Variants in USH2A observed in about 807,000 individuals in gnomAD.
The protein encoded by USH2A is usherin.
A neutral mutation model predicts 538.9 loss-of-function variants in USH2A; 443 were observed. The ratio of observed to expected loss-of-function variants is 0.82; its 90% CI spans 0.76 to 0.89. The LOEUF is 0.89. Ranked by LOEUF, USH2A falls within the 40% of genes least tolerant of loss-of-function variation. The pLI, the probability that USH2A is intolerant of heterozygous loss-of-function variation, is 0.00. For synonymous variants in USH2A, 2,413 were observed against 2,273.5 expected, an observed-to-expected ratio of 1.06 and a Z score of -1.75; for missense variants, 6,633 against 6,324.8, an observed-to-expected ratio of 1.05 and a Z score of -1.65.
In USH2A at chr1:215,922,585, C is replaced by T. The variant is rs1430953876; in HGVS notation, c.7300+12031G>A. Reference sequence around the variant, plus strand: ...AAAGTATTTTAAAGATGGTCTAGCTCAGTGGTCTTCAAACTTGTGAAGGCA... The same window carrying T: ...AAAGTATTTTAAAGATGGTCTAGCTTAGTGGTCTTCAAACTTGTGAAGGCA... On this transcript the variant is annotated intron_variant, in intron 38 of 71. Transcript: ENST00000307340. Among the ~76,000 whole-genome samples, 5 of 152,020 alleles carry T rather than the reference C, an allele frequency of 3.3e-5. 1 individual carries two copies. The highest frequency in any genetic ancestry group is 1.2e-4 in the African/African-American group (5 of 41,424).
rs552327619 is a variant in USH2A, at chr1:215,900,895, G to A, written c.7311C>T (p.Gly2437=). The A allele has an allele frequency of 4.1e-5, 66 of 1,613,420 alleles. No homozygotes were observed. In the African/African-American group the frequency reaches 7.7e-4, roughly 19 times the overall value. The change falls in exon 39 of 72, where the codon GGC becomes GGT. Residue 2437 remains glycine (G), a synonymous_variant. Transcript: ENST00000307340. ...CAGATGAAAGCCTGGGAGGCAGCACGCCATCTGGAGCTGTCGAAAAACACA... is the reference window on the plus strand; with the variant it reads ...CAGATGAAAGCCTGGGAGGCAGCACACCATCTGGAGCTGTCGAAAAACACA... The part of the protein sequence containing the change: ...TIAMPPGAPD[G]VLPPRLSSAT...
At chr1:216,368,554 T>C (rs1287460413) in intron 3 of USH2A, among the ~76,000 whole-genome samples, 1 of 152,194 alleles carries the variant, frequency 6.6e-6, no homozygotes, top group African/African-American at 2.4e-5. Context: ...TCATAAAGCA[T>C]CAACTCGGTA....
At chr1:215,811,674 A>C (rs1662689459) in intron 49 of USH2A, among the ~76,000 whole-genome samples, 1 of 152,056 alleles carries the variant, frequency 6.6e-6, no homozygotes, top group African/African-American at 2.4e-5. Flanking sequence ...TTGGGAGGCC[A>C]AGGTGGGCAG....
At chr1:215,896,857 T>G (rs1054684539) in intron 40 of USH2A, among the ~76,000 whole-genome samples, 1 of 152,200 alleles carries the variant, frequency 6.6e-6, no homozygotes, top group Non-Finnish European at 1.5e-5. Context: ...AAATAATGTG[T>G]TGTTTGTATT....
chr1:216,407,544 G>C (rs890418909), intron 3 of USH2A, among the ~76,000 whole-genome samples: 1 of 152,054 alleles, frequency 6.6e-6, no homozygotes. Context: ...AGAAAGAAAT[G>C]CCAAGGGAAA....
In USH2A at chr1:215,805,165, A is replaced by C. The variant is rs369330655; in HGVS notation, c.9740-6040T>G. Among the ~76,000 whole-genome samples, 3 of 152,172 alleles carry C rather than the reference A, an allele frequency of 2.0e-5. No individual in the cohort carries two copies. The South Asian group carries it at 6.2e-4, about 31-fold the overall frequency. On this transcript the variant is annotated intron_variant, in intron 49 of 71. Coordinates refer to ENST00000307340, the MANE Select transcript of USH2A (RefSeq NM_206933.4). ...GGGGAGATGGGGGAGGGATAGGATT[A>C]GGAGATATACCTAATGTTAAATGAC... is the stretch of plus-strand genomic sequence containing the variant.
At chr1:215,909,206 AG>A (rs1453109702) in intron 38 of USH2A, among the ~76,000 whole-genome samples, 1 of 151,822 alleles carries the variant, frequency 6.6e-6, no homozygotes, top group Non-Finnish European at 1.5e-5. Context: ...TTTTATTAAG[AG>A]GGGTGAGATG....
chr1:215,728,953 A>G (rs2102714400), intron 60 of USH2A, among the ~76,000 whole-genome samples: 1 of 152,262 alleles, frequency 6.6e-6, no homozygotes, highest in East Asian at 1.9e-4. Flanking sequence ...AGAAGCTATT[A>G]TTGGGAATCC....
intron 51 of USH2A, among the ~76,000 whole-genome samples, chr1:215,788,915 C>CCAAAACAAAACAAAA (rs142498202): frequency 0.17 from 25,047 of 149,438 alleles, 2,329 homozygotes; most frequent in Middle Eastern, 0.24. Context: ...AACTTGGAAT[C>CCAAAACAAAACAAAA]CAAAACAAAA....
intron 32 of USH2A, among the ~76,000 whole-genome samples, chr1:216,030,054 A>C (rs1406515786): frequency 1.9e-5 from 1 of 53,196 alleles, no homozygotes; most frequent in African/African-American, 4.3e-5. Context: ...GGTATATATG[A>C]TATATCACAG....
At position 216,290,013 on chromosome 1, in the gene USH2A, C is replaced by T. The variant is rs189032253; in HGVS notation, c.1841-603G>A. Among the ~76,000 whole-genome samples, 89 of 152,108 alleles carry T rather than the reference C, an allele frequency of 5.9e-4. 1 individual carries two copies. Among genetic ancestry groups the T allele is most frequent in the African/African-American group, 2.1e-3 (86 of 41,510 alleles). Reference sequence around the variant, plus strand: ...CATACTAAATACTAGAATAGCCTGACATATTAGATATATCAGGTAATTCCC... The same window carrying T: ...CATACTAAATACTAGAATAGCCTGATATATTAGATATATCAGGTAATTCCC... On this transcript the variant is annotated intron_variant, in intron 10 of 71. Transcript: ENST00000307340.
intron 38 of USH2A, among the ~76,000 whole-genome samples, chr1:215,918,588 T>C (rs1666019545): frequency 6.6e-6 from 1 of 152,116 alleles, no homozygotes; most frequent in African/African-American, 2.4e-5. Flanking sequence ...TAGTATTTTG[T>C]TGTAGCCGCC....
At chr1:216,060,734 A>G (rs904538368) in intron 30 of USH2A, among the ~76,000 whole-genome samples, 2 of 152,236 alleles carry the variant, frequency 1.3e-5, no homozygotes, top group Non-Finnish European at 2.9e-5. Context: ...AATTATGCTG[A>G]TAATTAAGTT....
rs1197975763 is a variant in USH2A, at chr1:216,343,435, T to C, written c.785-15781A>G. On this transcript the variant is annotated intron_variant, in intron 4 of 71. Coordinates refer to ENST00000307340, the MANE Select transcript of USH2A (RefSeq NM_206933.4). The stretch of plus-strand genomic sequence containing the variant: ...TGCACCTGTACTCCCAGCTATGCAG[T>C]AGGCTATGACAGGAGGATTACTTGA... 3.4e-5 allele frequency among the ~76,000 whole-genome samples: 5 copies of C among 148,236 alleles called. No homozygotes were observed. The East Asian group carries it at 1.0e-3, about 30-fold the overall frequency.
At chr1:216,162,882 G>T (rs1473724636) in intron 21 of USH2A, among the ~76,000 whole-genome samples, 1 of 152,000 alleles carries the variant, frequency 6.6e-6, no homozygotes, top group Non-Finnish European at 1.5e-5. Flanking sequence ...TATTCTAAAT[G>T]TTGGCCAAGC....
chr1:216,192,698 T>C (rs1399875320), intron 19 of USH2A, among the ~76,000 whole-genome samples: 1 of 151,918 alleles, frequency 6.6e-6, no homozygotes, highest in African/African-American at 2.4e-5. Context: ...CGAGACTCTG[T>C]CTCAAAGAAA....
chr1:216,340,207 T>C (rs966809852), intron 4 of USH2A, among the ~76,000 whole-genome samples: 3 of 151,974 alleles, frequency 2.0e-5, no homozygotes, highest in Non-Finnish European at 4.4e-5. Context: ...GAGAATAGTA[T>C]AGATACCTCT....
intron 61 of USH2A, among the ~76,000 whole-genome samples, chr1:215,687,315 C>T (rs1012345893): frequency 7.9e-5 from 12 of 151,980 alleles, no homozygotes; most frequent in African/African-American, 2.4e-4. Flanking sequence ...AATGCTTTTA[C>T]TCCAACAACT....
chr1:216,305,766 G>A (rs1395656386), intron 9 of USH2A, among the ~76,000 whole-genome samples: 1 of 151,970 alleles, frequency 6.6e-6, no homozygotes, highest in East Asian at 1.9e-4. Flanking sequence ...CCTTCATTTA[G>A]GAAGCTTAAT....
Sources: allele counts gnomAD v4.1 joint callset (sites outside exome capture counted in the v4.1 genomes callset), GRCh38; gene constraint gnomAD v4.1.1; transcripts MANE v1.5; gene names NCBI Gene and HGNC (gene_info 2026-07-23, HGNC 2026-07-21).